The following BYSL variants were observed in gnomAD, a reference collection of about 807,000 sequenced individuals.
BYSL encodes the protein bystin.
A neutral mutation model predicts 45.4 loss-of-function variants in BYSL; 21 were observed. The ratio of observed to expected loss-of-function variants is 0.46; its 90% CI spans 0.33 to 0.67. The LOEUF (loss-of-function observed/expected upper bound fraction) is 0.67. Among genes scored for constraint, BYSL ranks in the 30% least tolerant of loss-of-function variants. The pLI is 0.02. For synonymous variants in BYSL, 215 were observed against 231.3 expected, an observed-to-expected ratio of 0.93 and a Z score of 0.64; for missense variants, 522 against 578.5, an observed-to-expected ratio of 0.90 and a Z score of 1.00.
intron 2 of BYSL, among the ~76,000 whole-genome samples, chr6:41,928,411 G>C (rs1414985731): frequency 6.6e-6 from 1 of 152,124 alleles, no homozygotes; most frequent in Non-Finnish European, 1.5e-5. Flanking sequence ...ATGAAAATGA[G>C]CCCCTCTCCC....
chr6:41,922,420 T>C (rs954198836), intron 1 of BYSL, among the ~76,000 whole-genome samples: 9 of 152,236 alleles, frequency 5.9e-5, no homozygotes, highest in African/African-American at 1.9e-4. Flanking sequence ...AGACGTCTGA[T>C]GTTTTCTCAC....
chr6:41,911,106 C>CAA, the BYSL span, among the ~76,000 whole-genome samples: 5 of 111,804 alleles, frequency 4.5e-5, no homozygotes, highest in African/African-American at 7.2e-5. Flanking sequence ...GACTCCATCT[C>CAA]AAAAAAAAAA....
Position 41,932,883 on chromosome 6 carries a change from C to T in BYSL, c.*177C>T. ...GGAAGGACTGAGGGTCTGGCTGGTTCCCTCTTCCATTCTAGGCCCTTATCC... is the reference window on the plus strand; with the variant it reads ...GGAAGGACTGAGGGTCTGGCTGGTTTCCTCTTCCATTCTAGGCCCTTATCC... On this transcript the variant is annotated 3_prime_UTR_variant, in exon 7 of 7. Coordinates refer to ENST00000230340, the MANE Select transcript of BYSL (RefSeq NM_004053.4). This position sits in a 1 kb window ranked among gnomAD's most constrained non-coding sequence, Gnocchi z 4.7. 1 of 694,764 alleles carries T rather than the reference C, an allele frequency of 1.4e-6. No homozygotes were observed. The highest frequency in any genetic ancestry group is 2.3e-6 in the Non-Finnish European group (1 of 425,950). The allele number at this position is 694,764 out of a possible 1,614,324, so 43.0% of individuals were successfully genotyped here.
At chr6:41,931,912 G>A (rs1303188553) in intron 6 of BYSL, 82 bp downstream of exon 6, 2 of 1,333,924 alleles carry the variant, frequency 1.5e-6, no homozygotes, top group Non-Finnish European at 2.2e-6. Flanking sequence ...TGGGCAGAGT[G>A]GAGAAGGAGC....
At chr6:41,929,138 G>A (rs962111310) in intron 2 of BYSL, among the ~76,000 whole-genome samples, 4 of 152,102 alleles carry the variant, frequency 2.6e-5, no homozygotes, top group South Asian at 2.1e-4. Flanking sequence ...CTGACCTCAC[G>A]TGATCCACCT....
intron 1 of BYSL, among the ~76,000 whole-genome samples, chr6:41,925,889 T>A (rs1775557542): frequency 6.6e-6 from 1 of 151,998 alleles, no homozygotes; most frequent in South Asian, 2.1e-4. Flanking sequence ...CTTCTCCCTG[T>A]TAGTCAGGCT....
upstream of BYSL, chr6:41,916,763 C>A (rs762795138): frequency 8.1e-6 from 13 of 1,612,086 alleles, no homozygotes; most frequent in Non-Finnish European, 1.1e-5. Context: ...TTCCAGCCAT[C>A]CTACAGACCC....
chr6:41,909,148 TG>T, the BYSL span: 2 of 1,361,364 alleles, frequency 1.5e-6, no homozygotes, highest in Non-Finnish European at 2.0e-6. Flanking sequence ...CATTCCAGCC[TG>T]GGTGACAGAA....
intron 1 of BYSL, among the ~76,000 whole-genome samples, chr6:41,925,499 G>T: frequency 6.6e-6 from 1 of 151,304 alleles, no homozygotes. Flanking sequence ...GAGTAGCTGG[G>T]ACTACAGGCG....
At chr6:41,909,632 TCAG>T in the BYSL span, 678 of 1,481,774 alleles carry the variant, frequency 4.6e-4, 4 homozygotes, top group African/African-American at 8.3e-3. Flanking sequence ...TGGCACTACC[TCAG>T]CAGTTCTTGG....
upstream of BYSL, among the ~76,000 whole-genome samples, chr6:41,918,553 C>T (rs573658700): frequency 2.6e-5 from 4 of 151,966 alleles, no homozygotes; most frequent in South Asian, 8.3e-4. Flanking sequence ...GTGGCTCACG[C>T]CTGTAATCCC....
chr6:41,916,894 G>A (rs376069545), upstream of BYSL: 6 of 1,613,948 alleles, frequency 3.7e-6, no homozygotes, highest in South Asian at 1.1e-5. Context: ...GGAGCTCTAC[G>A]GTTTGCTGAA....
chr6:41,920,755 G>C (rs1201760738), upstream of BYSL: 6 of 434,950 alleles, frequency 1.4e-5, no homozygotes, highest in Non-Finnish European at 2.4e-5. Flanking sequence ...TGGCGACAGA[G>C]CGAGACCCCG....
At chr6:41,912,500 G>A in the BYSL span, among the ~76,000 whole-genome samples, 1 of 151,602 alleles carries the variant, frequency 6.6e-6, no homozygotes, top group African/African-American at 2.4e-5. Flanking sequence ...GGGATTACAG[G>A]TGCCTGCCAC....
chr6:41,925,631 G>A (rs964755797), intron 1 of BYSL, among the ~76,000 whole-genome samples: 1 of 151,846 alleles, frequency 6.6e-6, no homozygotes, highest in African/African-American at 2.4e-5. Context: ...TCTAAGTGCT[G>A]GGATTACAGG....
intron 1 of BYSL, among the ~76,000 whole-genome samples, chr6:41,926,306 T>C (rs569499943): frequency 1.3e-5 from 2 of 152,330 alleles, no homozygotes; most frequent in South Asian, 4.1e-4. Context: ...CCAGACTACC[T>C]GTCTTGGGCA....
At chr6:41,912,283 C>A in the BYSL span, among the ~76,000 whole-genome samples, 1 of 148,778 alleles carries the variant, frequency 6.7e-6, no homozygotes, top group African/African-American at 2.5e-5. Context: ...TCAAGCAATC[C>A]TCTCACCTCT....
chr6:41,921,585 G>A lies in BYSL; in HGVS notation c.23G>A (p.Arg8His), dbSNP rs143551764. 210 of 1,585,104 alleles carry A rather than the reference G, an allele frequency of 1.3e-4. No individual in the cohort carries two copies. The highest frequency in any genetic ancestry group is 1.7e-4 in the Non-Finnish European group (194 of 1,164,058). Residue 8 changes from arginine to histidine, a missense_variant, in exon 1 of 7, where the codon CGT (arginine) becomes CAT (histidine). Coordinates refer to ENST00000230340, the MANE Select transcript of BYSL (RefSeq NM_004053.4). ...AAAATGCCCAAATTCAAGGCGGCCC[G>A]TGGGGTGGGGGGTCAGGAAAAACAT... Reference protein sequence around the residue: MPKFKAARGVGGQEKHAP... With the variant: MPKFKAAHGVGGQEKHAP...
At chr6:41,917,383 G>C (rs530925817), upstream of BYSL, 5 of 176,050 alleles carry the variant, frequency 2.8e-5, no homozygotes, top group South Asian at 1.0e-4. Flanking sequence ...CTGGGCGACA[G>C]GGCGAGACGC....
Sources: gnomAD v4.1 joint callset for allele counts (sites outside exome capture counted in the v4.1 genomes callset) on GRCh38, gnomAD v4.1.1 for gene constraint, Gnocchi (gnomAD v3.1) non-coding constraint, MANE v1.5 for transcripts, NCBI Gene and HGNC (gene_info 2026-07-23, HGNC 2026-07-21) for gene names.